AGPS: variants seen among roughly 807,000 people sequenced by gnomAD.
The protein encoded by AGPS is alkylglycerone phosphate synthase.
Under a neutral mutation model 90.7 loss-of-function variants are expected in AGPS, and 26 were observed. The ratio of observed to expected loss-of-function variants is 0.29; its 90% CI spans 0.21 to 0.40. The LOEUF (loss-of-function observed/expected upper bound fraction) is 0.40, where lower values mean the gene tolerates loss of function less well. Ranked by LOEUF, AGPS falls within the 10% of genes least tolerant of loss-of-function variation. The pLI is 1.00. For synonymous variants in AGPS, 294 were observed against 285.3 expected (o/e 1.03, Z -0.31); for missense variants, 540 against 816.1 (o/e 0.66, Z 4.12).
intron 8 of AGPS, 126 bp from the exon 9 acceptor site, chr2:177,461,767 T>A: frequency 1.5e-6 from 1 of 665,614 alleles, no homozygotes; most frequent in Non-Finnish European, 2.3e-6. Context: ...TTTTTTTTGC[T>A]ATGTAGGAAT....
intron 16 of AGPS, among the ~76,000 whole-genome samples, chr2:177,511,547 A>T (rs146294068): frequency 0.019 from 2,928 of 152,296 alleles, 41 homozygotes; most frequent in African/African-American, 0.036. Flanking sequence ...TTACAAACAA[A>T]ACAAAAGGTG....
At chr2:177,505,106 A>G (rs1224897235) in intron 14 of AGPS, among the ~76,000 whole-genome samples, 1 of 152,042 alleles carries the variant, frequency 6.6e-6, no homozygotes, top group Non-Finnish European at 1.5e-5. Context: ...TAACATTCCA[A>G]ATACTATGTA....
At chr2:177,498,882 C>T (rs1688482429) in intron 13 of AGPS, among the ~76,000 whole-genome samples, 1 of 151,598 alleles carries the variant, frequency 6.6e-6, no homozygotes, top group African/African-American at 2.4e-5. Flanking sequence ...AAATAGATTT[C>T]ATTGTTGTAG....
Position 177,539,823 on chromosome 2 carries a change from C to G in AGPS, c.*1628C>G, listed in dbSNP as rs535440679. The G allele has an allele frequency of 1.3e-4, 20 of 151,844 alleles. No homozygotes were observed. The highest frequency in any genetic ancestry group is 2.1e-4 in the Non-Finnish European group (14 of 67,850). 9.4% of individuals were successfully genotyped at this position (151,844 alleles called of 1,614,324 possible). A position where few individuals can be genotyped will look rare whatever the true frequency, so the allele number is the denominator to read the frequency against. ...AATATTTATTTTTTAGAAGCTGCCTCTCTTCATTGGTCATTTATTTTTAAT... is the reference window on the plus strand; with the variant it reads ...AATATTTATTTTTTAGAAGCTGCCTGTCTTCATTGGTCATTTATTTTTAAT... On this transcript the variant is annotated 3_prime_UTR_variant, in exon 20 of 20. Coordinates refer to ENST00000264167, the MANE Select transcript of AGPS (RefSeq NM_003659.4).
intron 5 of AGPS, among the ~76,000 whole-genome samples, chr2:177,440,357 T>C (rs958850338): frequency 3.3e-5 from 5 of 152,116 alleles, no homozygotes; most frequent in African/African-American, 1.2e-4. Context: ...CTAGATGTAA[T>C]GCACTGACAA....
chr2:177,457,420 A>G (rs928098772), intron 8 of AGPS, among the ~76,000 whole-genome samples: 2 of 152,212 alleles, frequency 1.3e-5, no homozygotes, highest in Non-Finnish European at 2.9e-5. Context: ...GAAAATACCA[A>G]CAAAATAGAC....
At chr2:177,505,650 A>C (rs931142906) in intron 15 of AGPS, 75 bp downstream of exon 15, 2 of 1,314,278 alleles carry the variant, frequency 1.5e-6, no homozygotes, top group African/African-American at 2.9e-5. Context: ...AAGTGAATGC[A>C]ATTGTCTTCC....
At chr2:177,522,391 G>C (rs2105734020) in intron 18 of AGPS, among the ~76,000 whole-genome samples, 1 of 152,224 alleles carries the variant, frequency 6.6e-6, no homozygotes, top group Admixed American at 6.5e-5. Context: ...TAATTTGTTA[G>C]AGGATATAAA....
chr2:177,407,390 C>T (rs537815872), intron 1 of AGPS, among the ~76,000 whole-genome samples: 1 of 152,266 alleles, frequency 6.6e-6, no homozygotes, highest in East Asian at 1.9e-4. Flanking sequence ...CACGGTTCTG[C>T]AGGCTGTTCA....
intron 10 of AGPS, among the ~76,000 whole-genome samples, chr2:177,473,046 T>C (rs1687676080): frequency 6.6e-6 from 1 of 152,236 alleles, no homozygotes; most frequent in Non-Finnish European, 1.5e-5. Context: ...CTACTTTTTG[T>C]GTGTAGTCTT....
chr2:177,471,260 T>G (rs1687616446), intron 10 of AGPS, among the ~76,000 whole-genome samples: 1 of 152,192 alleles, frequency 6.6e-6, no homozygotes, highest in South Asian at 2.1e-4. Context: ...TTCTTGAGCT[T>G]TAAAAAAATT....
intron 5 of AGPS, among the ~76,000 whole-genome samples, chr2:177,438,153 T>G (rs1686474504): frequency 6.6e-6 from 1 of 152,204 alleles, no homozygotes; most frequent in South Asian, 2.1e-4. Context: ...AAGCAAAATT[T>G]ATCAATTTTC....
chr2:177,481,492 T>G (rs1687942609), intron 10 of AGPS, among the ~76,000 whole-genome samples: 1 of 151,960 alleles, frequency 6.6e-6, no homozygotes, highest in Non-Finnish European at 1.5e-5. Context: ...TAATGACTAC[T>G]TTGTCTCCAT....
intron 7 of AGPS, 121 bp downstream of exon 7, chr2:177,442,607 G>A: frequency 1.3e-6 from 1 of 769,380 alleles, no homozygotes; most frequent in Non-Finnish European, 2.2e-6. Flanking sequence ...AGCACCTGGG[G>A]AGGCTGAGGT....
At chr2:177,481,408 TTG>T (rs1687939839) in intron 10 of AGPS, among the ~76,000 whole-genome samples, 1 of 151,862 alleles carries the variant, frequency 6.6e-6, no homozygotes, top group Non-Finnish European at 1.5e-5. Context: ...GTTTTTTAAT[TTG>T]TGTGTGTGTT....
intron 14 of AGPS, among the ~76,000 whole-genome samples, chr2:177,504,358 T>C (rs1362688488): frequency 6.6e-6 from 1 of 152,098 alleles, no homozygotes; most frequent in Non-Finnish European, 1.5e-5. Context: ...CAACTCAGAA[T>C]TGTGTTTTAT....
chr2:177,458,711 G>C (rs947857713), intron 8 of AGPS, among the ~76,000 whole-genome samples: 1 of 152,190 alleles, frequency 6.6e-6, no homozygotes, highest in African/African-American at 2.4e-5. Flanking sequence ...CATGCTCATG[G>C]ATAGGAAGAA....
chr2:177,512,952 T>C (rs1688920266), intron 16 of AGPS, among the ~76,000 whole-genome samples: 1 of 152,074 alleles, frequency 6.6e-6, no homozygotes, highest in African/African-American at 2.4e-5. Flanking sequence ...CAAGCAGTCC[T>C]CCTGTCTCAG....
In AGPS at chr2:177,542,672, G is replaced by A. The variant is rs2079247767; in HGVS notation, c.*4477G>A. On this transcript the variant is annotated 3_prime_UTR_variant, in exon 20 of 20. Transcript: ENST00000264167. ...ATGTTTTTAAGACAACCTTTTGTTG[G>A]CAGTGTTTTTCCTGAACACCATATG... The A allele has an allele frequency of 6.6e-6, 1 of 151,994 alleles. No individual in the cohort carries two copies. Among genetic ancestry groups the A allele is most frequent in the Non-Finnish European group, 1.5e-5 (1 of 67,980 alleles). The allele number at this position is 151,994 out of a possible 1,614,324, so 9.4% of individuals were successfully genotyped here. A position where few individuals can be genotyped will look rare whatever the true frequency, so the allele number is the denominator to read the frequency against.
Sources: gnomAD v4.1 joint callset for allele counts (sites outside exome capture counted in the v4.1 genomes callset) on GRCh38, gnomAD v4.1.1 for gene constraint, MANE v1.5 for transcripts, NCBI Gene and HGNC (gene_info 2026-07-23, HGNC 2026-07-21) for gene names.